The following DPYD variants were observed in gnomAD, a reference collection of about 807,000 sequenced individuals.
The protein encoded by DPYD is dihydropyrimidine dehydrogenase [NADP(+)].
Under a neutral mutation model 116.2 loss-of-function variants are expected in DPYD, and 109 were observed. The observed-to-expected ratio is 0.94, with a 90% CI of 0.80 to 1.10. The LOEUF (loss-of-function observed/expected upper bound fraction) is 1.10, where lower values mean the gene tolerates loss of function less well. DPYD is among the 50% of genes least tolerant of loss of function. The pLI is 0.00. For synonymous variants in DPYD, 440 were observed against 432.0 expected (o/e 1.02, Z -0.23); for missense variants, 1,302 against 1,254.5 (o/e 1.04, Z -0.57).
chr1:97,892,609 G>A (rs1672833603), intron 1 of DPYD, among the ~76,000 whole-genome samples: 2 of 151,736 alleles, frequency 1.3e-5, no homozygotes, highest in South Asian at 4.1e-4. Flanking sequence ...CCTGGTCAAA[G>A]ACTTACATTT....
intron 3 of DPYD, among the ~76,000 whole-genome samples, chr1:97,813,312 G>T (rs1425659335): frequency 6.6e-6 from 1 of 151,990 alleles, no homozygotes; most frequent in Non-Finnish European, 1.5e-5. Flanking sequence ...TTACCTCTGG[G>T]TGAGAAATGT....
At chr1:97,422,418 C>T (rs1674637639) in intron 14 of DPYD, among the ~76,000 whole-genome samples, 1 of 152,132 alleles carries the variant, frequency 6.6e-6, no homozygotes, top group Admixed American at 6.6e-5. Context: ...CAGACTTACT[C>T]TGATAACATG....
At chr1:97,821,604 T>C (rs987833874) in intron 3 of DPYD, among the ~76,000 whole-genome samples, 71 of 152,218 alleles carry the variant, frequency 4.7e-4, no homozygotes, top group Admixed American at 3.3e-3. Context: ...TTAAAATGCT[T>C]TTTCTTTGAT....
chr1:97,725,230 A>G (rs1663178999), intron 4 of DPYD, among the ~76,000 whole-genome samples: 2 of 151,698 alleles, frequency 1.3e-5, no homozygotes, highest in Admixed American at 1.3e-4. Flanking sequence ...ATTATTCAGA[A>G]CTATATGTAT....
In DPYD at chr1:97,169,071, C is replaced by G. The variant is rs551777167; in HGVS notation, c.2622+23998G>C. On this transcript the variant is annotated intron_variant, in intron 20 of 22. Coordinates refer to ENST00000370192, the MANE Select transcript of DPYD (RefSeq NM_000110.4). ...CCATGCTGGCCAGGCTAGTCTCGAA[C>G]TCCTGACCTCAAGTGATCCACCCAC... Among the ~76,000 whole-genome samples, 14 of 152,148 alleles carry G rather than the reference C, an allele frequency of 9.2e-5. No individual in the cohort carries two copies. In the East Asian group the frequency reaches 2.7e-3, roughly 29 times the overall value.
rs1366806556 is a variant in DPYD, at chr1:97,367,806, G to A, written c.2058+5755C>T. On this transcript the variant is annotated intron_variant, in intron 16 of 22. Transcript: ENST00000370192. ...AACCACTGAACAATTGGAATCCATC[G>A]AGGGCTAGGGAAATAACATCTTTGT... Among the ~76,000 whole-genome samples, 5 of 152,180 alleles carry A rather than the reference G, an allele frequency of 3.3e-5. 1 individual carries two copies. Among genetic ancestry groups the A allele is most frequent in the Admixed American group, 1.3e-4 (2 of 15,272 alleles).
chr1:97,533,815 C>A (rs2102032299), intron 12 of DPYD, among the ~76,000 whole-genome samples: 1 of 152,150 alleles, frequency 6.6e-6, no homozygotes, highest in African/African-American at 2.4e-5. Flanking sequence ...GAAGAGAAAA[C>A]CAGCGTAGTT....
At position 97,545,357 on chromosome 1, in the gene DPYD, G is replaced by A. The variant is rs187364667; in HGVS notation, c.1524+4203C>T. On this transcript the variant is annotated intron_variant, in intron 12 of 22. Transcript: ENST00000370192. ...CTAATATTGTTATTCTGTAAAAGAA[G>A]AAGCCATCAGCATTGTATTGATTTC... 3.5e-3 allele frequency among the ~76,000 whole-genome samples: 539 copies of A among 152,240 alleles called. 4 individuals carry two copies. The highest frequency in any genetic ancestry group is 0.012 in the African/African-American group (485 of 41,560).
chr1:97,130,751 CCCTTCCTTCCTT>C (rs71071633), intron 20 of DPYD, among the ~76,000 whole-genome samples: 25 of 105,718 alleles, frequency 2.4e-4, no homozygotes, highest in African/African-American at 1.2e-3. Context: ...TCTTCTTTCT[CCCTTCCTTCCTT>C]CCTTCCTTCC....
intron 16 of DPYD, among the ~76,000 whole-genome samples, chr1:97,366,920 CTG>C (rs1292740379): frequency 6.6e-6 from 1 of 152,078 alleles, no homozygotes; most frequent in Non-Finnish European, 1.5e-5. Flanking sequence ...AGTTTCAACT[CTG>C]GGAAATATGG....
At chr1:97,549,425 C>T in intron 12 of DPYD, 135 bp downstream of exon 12, 1 of 1,016,442 alleles carries the variant, frequency 9.8e-7, no homozygotes, top group South Asian at 1.5e-5. Flanking sequence ...AATTTGTATC[C>T]AAGTATGTAC....
intron 18 of DPYD, among the ~76,000 whole-genome samples, chr1:97,287,701 G>A (rs1016613044): frequency 4.6e-5 from 7 of 152,148 alleles, no homozygotes; most frequent in African/African-American, 1.7e-4. Flanking sequence ...CTAGCCATCA[G>A]TGAGAATCTG....
intron 3 of DPYD, among the ~76,000 whole-genome samples, chr1:97,827,701 G>T (rs897321000): frequency 5.3e-5 from 8 of 151,926 alleles, no homozygotes; most frequent in African/African-American, 1.9e-4. Context: ...CCTATAAAAT[G>T]TTATAGAAGA....
intron 2 of DPYD, among the ~76,000 whole-genome samples, chr1:97,867,197 G>A (rs901129146): frequency 2.6e-5 from 4 of 151,630 alleles, no homozygotes; most frequent in African/African-American, 9.7e-5. Flanking sequence ...TTTATTAAAC[G>A]AGTGCCTGCT....
At chr1:97,688,098 T>C (rs1660828136) in intron 7 of DPYD, among the ~76,000 whole-genome samples, 1 of 152,088 alleles carries the variant, frequency 6.6e-6, no homozygotes, top group African/African-American at 2.4e-5. Flanking sequence ...GTAACAAATC[T>C]ACGCATCCTG....
At chr1:97,434,259 A>G (rs1466512994) in intron 14 of DPYD, among the ~76,000 whole-genome samples, 1 of 152,134 alleles carries the variant, frequency 6.6e-6, no homozygotes, top group African/African-American at 2.4e-5. Context: ...TCCCCAAAGA[A>G]GATGTATTAA....
chr1:97,712,893 T>G (rs1044940997), intron 5 of DPYD, among the ~76,000 whole-genome samples: 3 of 152,100 alleles, frequency 2.0e-5, no homozygotes, highest in Admixed American at 1.3e-4. Context: ...TTCTATGAGG[T>G]GGAGCTGAGT....
At chr1:97,762,013 A>G (rs1324617697) in intron 3 of DPYD, among the ~76,000 whole-genome samples, 1 of 152,150 alleles carries the variant, frequency 6.6e-6, no homozygotes, top group Non-Finnish European at 1.5e-5. Context: ...TTGAGGGTGG[A>G]CAGTGGGAGG....
intron 3 of DPYD, among the ~76,000 whole-genome samples, chr1:97,787,405 T>A (rs1003311573): frequency 3.3e-5 from 5 of 152,258 alleles, no homozygotes; most frequent in Non-Finnish European, 7.3e-5. Context: ...ATTGTCAACC[T>A]GCATTTCTAG....
Sources: allele counts gnomAD v4.1 joint callset (sites outside exome capture counted in the v4.1 genomes callset), GRCh38; gene constraint gnomAD v4.1.1; transcripts MANE v1.5; gene names NCBI Gene and HGNC (gene_info 2026-07-23, HGNC 2026-07-21).